Variants in AFF2 observed in about 807,000 individuals in gnomAD.
AFF2 encodes the protein AF4/FMR2 family member 2.
A neutral mutation model predicts 76.9 loss-of-function variants in AFF2; 14 were observed. The ratio of observed to expected loss-of-function variants is 0.18; its 90% confidence interval spans 0.12 to 0.28. The LOEUF is 0.28. AFF2 is among the 10% of genes least tolerant of loss of function. AFF2 has a pLI of 1.00. For missense variants in AFF2, 868 were observed against 1,001.1 expected, an observed-to-expected ratio of 0.87 and a Z score of 1.79; for synonymous variants, 398 against 366.7, an observed-to-expected ratio of 1.09 and a Z score of -0.98.
At chrX:148,626,460 A>G (rs782009131) in intron 1 of AFF2, among the ~76,000 whole-genome samples, 13 of 110,807 alleles carry the variant, frequency 1.2e-4, no homozygotes, top group Non-Finnish European at 5.7e-5. Context: ...AGGTTAGATG[A>G]TAGGATTTCT....
At chrX:148,982,305 G>T (rs2072404911) in intron 19 of AFF2, among the ~76,000 whole-genome samples, 1 of 111,924 alleles carries the variant, frequency 8.9e-6, no homozygotes, top group Non-Finnish European at 1.9e-5. Context: ...TCACTCAGGG[G>T]TTATGTCTCG....
intron 7 of AFF2, among the ~76,000 whole-genome samples, chrX:148,860,824 A>G (rs1171200105): frequency 9.0e-6 from 1 of 111,651 alleles, no homozygotes; most frequent in Non-Finnish European, 1.9e-5. Flanking sequence ...CCTAAAATAT[A>G]TCTAAGCAGT....
Position 148,871,566 on chromosome X carries a change from G to A in AFF2, c.1263-14323G>A, listed in dbSNP as rs1040497541. 7.2e-5 allele frequency among the ~76,000 whole-genome samples: 8 copies of A among 111,813 alleles called. No homozygotes were observed. The South Asian group carries it at 1.5e-3, about 21-fold the overall frequency. On this transcript the variant is annotated intron_variant, in intron 7 of 20. Transcript: ENST00000370460. ...GCCTCCTTCCATCAGCCCTCACATC[G>A]TATTAGAGCAACTCATCCAAATTGG...
At chrX:148,679,442 C>T (rs2054524185) in intron 3 of AFF2, among the ~76,000 whole-genome samples, 1 of 110,373 alleles carries the variant, frequency 9.1e-6, no homozygotes, top group African/African-American at 3.3e-5. Context: ...GCATTTTTGT[C>T]TTTGCATCCC....
intron 1 of AFF2, among the ~76,000 whole-genome samples, chrX:148,646,948 G>A (rs1231504246): frequency 2.0e-5 from 2 of 102,354 alleles, no homozygotes; most frequent in Admixed American, 2.0e-4. Flanking sequence ...CATAATGTGG[G>A]TTAAGTTTGA....
At chrX:148,743,219 A>G (rs1557265835) in intron 3 of AFF2, among the ~76,000 whole-genome samples, 1 of 112,372 alleles carries the variant, frequency 8.9e-6, no homozygotes, top group Non-Finnish European at 1.9e-5. Context: ...ATGCTCTAAT[A>G]CAATCAACTG....
chrX:148,942,656 A>C (rs1483023210), intron 9 of AFF2, among the ~76,000 whole-genome samples: 2 of 110,145 alleles, frequency 1.8e-5, no homozygotes, highest in African/African-American at 6.7e-5. Context: ...CTCTACTAAA[A>C]ATACAAAAAA....
At chrX:148,843,602 G>A (rs1290966122) in intron 7 of AFF2, among the ~76,000 whole-genome samples, 169 bp downstream of exon 7, 1 of 111,285 alleles carries the variant, frequency 9.0e-6, no homozygotes, top group East Asian at 2.8e-4. Flanking sequence ...ATTTCCCATT[G>A]TCTTAGTCTA....
intron 1 of AFF2, among the ~76,000 whole-genome samples, chrX:148,535,595 C>T (rs782196839): frequency 9.8e-5 from 11 of 112,651 alleles, no homozygotes; most frequent in Non-Finnish European, 1.7e-4. Flanking sequence ...GGCATTGTAA[C>T]AAGAAATATT....
intron 5 of AFF2, among the ~76,000 whole-genome samples, chrX:148,838,363 A>G (rs2070554156): frequency 8.9e-6 from 1 of 111,903 alleles, no homozygotes; most frequent in Non-Finnish European, 1.9e-5. Context: ...TTATTCAGAA[A>G]TCATTTACTG....
At chrX:148,846,216 G>C (rs2070665492) in intron 7 of AFF2, among the ~76,000 whole-genome samples, 1 of 111,811 alleles carries the variant, frequency 8.9e-6, no homozygotes, top group African/African-American at 3.3e-5. Context: ...TTCATGCCAT[G>C]ACATCCTACC....
chrX:148,625,149 C>T (rs1382210760), intron 1 of AFF2, among the ~76,000 whole-genome samples: 1 of 110,752 alleles, frequency 9.0e-6, no homozygotes, highest in Non-Finnish European at 1.9e-5. Flanking sequence ...CTTGCTTGTC[C>T]ACAGGGATTA....
In AFF2 at chrX:148,536,858, G is replaced by GT. The variant is rs782569760; in HGVS notation, c.47+35723dup. On this transcript the variant is annotated intron_variant, in intron 1 of 20. Transcript: ENST00000370460. ...TTAAAATAGATTAATAAGCCAATAG[G>GT]TTTTTTTTTAGAAAATCTTTTCCCA... Among the ~76,000 whole-genome samples the GT allele has an allele frequency of 4.2e-4, 46 of 110,101 alleles. 1 individual carries two copies. The highest frequency in any genetic ancestry group is 8.9e-4 in the African/African-American group (27 of 30,337).
At position 148,996,655 on chromosome X, in the gene AFF2, C is replaced by T. The variant is rs782256942; in HGVS notation, c.*5323C>T. The T allele has an allele frequency of 5.4e-5, 6 of 111,971 alleles. No homozygotes were observed. The highest frequency in any genetic ancestry group is 2.0e-4 in the African/African-American group (6 of 30,733). 9.2% of individuals were successfully genotyped at this position (111,971 alleles called of 1,213,427 possible). On this transcript the variant is annotated 3_prime_UTR_variant, in exon 21 of 21. Transcript: ENST00000370460. ...TGAATCAATGTGTGAATGTAGAAAGCTTATGATAAGGCCCTAGAGGTATGG... is the reference window on the plus strand; with the variant it reads ...TGAATCAATGTGTGAATGTAGAAAGTTTATGATAAGGCCCTAGAGGTATGG...
chrX:148,579,771 C>G (rs1449571446), intron 1 of AFF2, among the ~76,000 whole-genome samples: 1 of 111,489 alleles, frequency 9.0e-6, no homozygotes, highest in Non-Finnish European at 1.9e-5. Context: ...ATGAAACTGA[C>G]AGCTGAGCTT....
chrX:148,699,048 T>C (rs1364267202), intron 3 of AFF2, among the ~76,000 whole-genome samples: 1 of 111,913 alleles, frequency 8.9e-6, no homozygotes, highest in East Asian at 2.8e-4. Context: ...ATCTATATGA[T>C]GCTATTGTTT....
intron 4 of AFF2, among the ~76,000 whole-genome samples, chrX:148,834,197 G>A (rs1252003822): frequency 8.9e-6 from 1 of 112,135 alleles, no homozygotes; most frequent in East Asian, 2.8e-4. Flanking sequence ...TCCATTCTTT[G>A]CCAAATACTA....
intron 3 of AFF2, among the ~76,000 whole-genome samples, chrX:148,665,819 A>G (rs782682432): frequency 6.3e-5 from 7 of 111,944 alleles, no homozygotes; most frequent in Non-Finnish European, 9.4e-5. Flanking sequence ...TAGTCAGTGT[A>G]GCCATCTTTG....
chrX:148,968,604 T>C (rs1266299266), intron 15 of AFF2, among the ~76,000 whole-genome samples: 1 of 112,341 alleles, frequency 8.9e-6, no homozygotes, highest in Non-Finnish European at 1.9e-5. Context: ...TGGTGTTTGA[T>C]ACTGGGAATG....
Sources: gnomAD v4.1 joint callset for allele counts (sites outside exome capture counted in the v4.1 genomes callset) on GRCh38, gnomAD v4.1.1 for gene constraint, MANE v1.5 for transcripts, NCBI Gene and HGNC (gene_info 2026-07-23, HGNC 2026-07-21) for gene names.